The following ADI1 variants were observed in gnomAD, a reference collection of about 807,000 sequenced individuals.
ADI1 encodes the protein acireductone dioxygenase 1.
ADI1 carries 21 observed loss-of-function variants against 18.7 expected under a neutral mutation model. The ratio of observed to expected loss-of-function variants is 1.13; its 90% CI spans 0.80 to 1.62. The LOEUF (loss-of-function observed/expected upper bound fraction) is 1.62, where lower values mean the gene tolerates loss of function less well. Among genes scored for constraint, ADI1 ranks in the 40% most tolerant of loss-of-function variants. The pLI is 0.00. For synonymous variants in ADI1, 90 were observed against 100.1 expected, an observed-to-expected ratio of 0.90 and a Z score of 0.60; for missense variants, 245 against 254.9, an observed-to-expected ratio of 0.96 and a Z score of 0.26.
At chr2:3,505,993 C>T (rs1407649479) in intron 2 of ADI1, among the ~76,000 whole-genome samples, 1 of 152,200 alleles carries the variant, frequency 6.6e-6, no homozygotes, top group African/African-American at 2.4e-5. Context: ...TGCCTGCAGA[C>T]TGTGAGAAAT....
intron 2 of ADI1, among the ~76,000 whole-genome samples, chr2:3,501,279 G>A (rs1000451168): frequency 2.0e-5 from 3 of 152,128 alleles, no homozygotes; most frequent in Non-Finnish European, 4.4e-5. Context: ...CAACCCGCAC[G>A]GCCCCACGAG....
At chr2:3,515,982 A>G (rs533335452) in intron 1 of ADI1, 15 of 985,190 alleles carry the variant, frequency 1.5e-5, no homozygotes, top group Non-Finnish European at 1.8e-5. Flanking sequence ...CCACTGCATG[A>G]TATGCACAGT....
chr2:3,519,300 G>T (rs1411274245), intron 1 of ADI1, 68 bp downstream of exon 1: 1 of 1,337,214 alleles, frequency 7.5e-7, no homozygotes, highest in Non-Finnish European at 9.5e-7. Flanking sequence ...CCTGGAGGAG[G>T]CTGGGCTGTG....
At chr2:3,502,449 TC>T (rs1186768925) in intron 2 of ADI1, among the ~76,000 whole-genome samples, 1 of 115,092 alleles carries the variant, frequency 8.7e-6, no homozygotes, top group Non-Finnish European at 1.6e-5. Flanking sequence ...CGGAAATAGC[TC>T]TTTTTTTTTT....
chr2:3,506,276 G>C (rs904431677), intron 2 of ADI1, among the ~76,000 whole-genome samples: 2 of 152,212 alleles, frequency 1.3e-5, no homozygotes, highest in Admixed American at 6.5e-5. Context: ...CTCGCAGATG[G>C]TATCACTGTC....
chr2:3,502,035 ACACACAC>A (rs1227750837), intron 2 of ADI1, among the ~76,000 whole-genome samples: 5,131 of 80,430 alleles, frequency 0.064, 313 homozygotes, highest in African/African-American at 0.3. Context: ...ACACACACAC[ACACACAC>A]AGAGACAGGG....
intron 2 of ADI1, 104 bp from the exon 3 acceptor site, chr2:3,501,097 G>T: frequency 3.2e-6 from 3 of 947,652 alleles, no homozygotes; most frequent in South Asian, 1.8e-5. Context: ...GAGCTGAGGT[G>T]AATGGGACTT....
rs542113701 is a variant in ADI1, at chr2:3,498,893, G to T, written c.*70C>A. ...TATCCTCTAAAAGCAAAGAGAAAGT[G>T]ATTGATTTTCTGCTCAGTCATTACA... On this transcript the variant is annotated 3_prime_UTR_variant, in exon 4 of 4. Coordinates refer to ENST00000327435, the MANE Select transcript of ADI1 (RefSeq NM_018269.4). 82 of 1,530,310 alleles carry T rather than the reference G, an allele frequency of 5.4e-5. No individual in the cohort carries two copies. In the Middle Eastern group the frequency reaches 7.1e-4, roughly 13 times the overall value. The allele number at this position is 1,530,310 out of a possible 1,614,324, so 94.8% of individuals were successfully genotyped here.
chr2:3,514,074 T>G (rs1667347188), intron 1 of ADI1, 98 bp from the exon 2 acceptor site: 2 of 1,402,898 alleles, frequency 1.4e-6, no homozygotes, highest in Non-Finnish European at 9.5e-7. Flanking sequence ...ATACTCCAAA[T>G]TTATCATTTG....
In ADI1 at chr2:3,498,340, T is replaced by C. The variant is rs1666911542; in HGVS notation, c.*623A>G. 1 of 152,220 alleles carries C rather than the reference T, an allele frequency of 6.6e-6. No individual in the cohort carries two copies. The highest frequency in any genetic ancestry group is 1.5e-5 in the Non-Finnish European group (1 of 68,040). The allele number at this position is 152,220 out of a possible 1,614,324, so 9.4% of individuals were successfully genotyped here. On this transcript the variant is annotated 3_prime_UTR_variant, in exon 4 of 4. Transcript: ENST00000327435. ...AAAAAATACTAACACAGCTCATATA[T>C]AAATTACTTATCTATAAGAACAATT...
chr2:3,497,959 A>G lies in ADI1; in HGVS notation c.*1004T>C, dbSNP rs1287933451. 1.3e-5 allele frequency: 2 copies of G among 152,178 alleles called. No homozygotes were observed. Among genetic ancestry groups the G allele is most frequent in the African/African-American group, 4.8e-5 (2 of 41,432 alleles). 9.4% of individuals were successfully genotyped at this position (152,178 alleles called of 1,614,324 possible). A position where few individuals can be genotyped will look rare whatever the true frequency, so the allele number is the denominator to read the frequency against. Reference sequence around the variant, plus strand: ...TTATTTTAATTACTGAGATAGAGTCACACTTGACAGAAGCAAGCCCTGCGG... The same window carrying G: ...TTATTTTAATTACTGAGATAGAGTCGCACTTGACAGAAGCAAGCCCTGCGG... On this transcript the variant is annotated 3_prime_UTR_variant, in exon 4 of 4. Transcript: ENST00000327435.
intron 2 of ADI1, among the ~76,000 whole-genome samples, chr2:3,512,477 C>A (rs1667311149): frequency 6.6e-6 from 1 of 152,228 alleles, no homozygotes; most frequent in African/African-American, 2.4e-5. Context: ...TGCATCCCAG[C>A]TGCTCGGGTT....
intron 2 of ADI1, among the ~76,000 whole-genome samples, chr2:3,503,797 C>G (rs1309380815): frequency 1.3e-5 from 2 of 152,286 alleles, no homozygotes; most frequent in Non-Finnish European, 1.5e-5. Flanking sequence ...CTTGCCAAGC[C>G]TGAGGTCTGG....
At chr2:3,500,626 C>T (rs1330134249) in intron 3 of ADI1, 188 bp downstream of exon 3, 3 of 756,180 alleles carry the variant, frequency 4.0e-6, no homozygotes, top group South Asian at 1.8e-5. Context: ...GAGGCTGCCA[C>T]GGAAGGACAG....
chr2:3,519,026 G>A (rs937554241), intron 1 of ADI1, among the ~76,000 whole-genome samples: 2 of 150,098 alleles, frequency 1.3e-5, no homozygotes, highest in African/African-American at 4.9e-5. Context: ...CCCACCCCAG[G>A]CGCCGGAAGC....
chr2:3,504,272 C>T (rs989819062), intron 2 of ADI1, among the ~76,000 whole-genome samples: 2 of 152,092 alleles, frequency 1.3e-5, no homozygotes, highest in Non-Finnish European at 2.9e-5. Context: ...ATCACAAGAT[C>T]GTCAGAAAAT....
At chr2:3,516,303 G>GA (rs1667407992) in intron 1 of ADI1, 1 of 153,326 alleles carries the variant, frequency 6.5e-6, no homozygotes, top group Admixed American at 6.6e-5. Context: ...CCAACATGGT[G>GA]AAACCCCATC....
At chr2:3,501,924 T>C (rs1005258442) in intron 2 of ADI1, among the ~76,000 whole-genome samples, 2 of 152,084 alleles carry the variant, frequency 1.3e-5, no homozygotes, top group African/African-American at 4.8e-5. Flanking sequence ...ACAGTAAATA[T>C]CCATACCCCC....
chr2:3,503,255 C>T (rs990518887), intron 2 of ADI1, among the ~76,000 whole-genome samples: 4 of 146,936 alleles, frequency 2.7e-5, no homozygotes, highest in African/African-American at 1.0e-4. Context: ...CACACACATG[C>T]ACACACGTAA....
Sources: allele counts gnomAD v4.1 joint callset (sites outside exome capture counted in the v4.1 genomes callset), GRCh38; gene constraint gnomAD v4.1.1; transcripts MANE v1.5; gene names NCBI Gene and HGNC (gene_info 2026-07-23, HGNC 2026-07-21).